The following AGPAT4 variants were observed in gnomAD, a reference collection of about 807,000 sequenced individuals.
AGPAT4 encodes 1-acylglycerol-3-phosphate O-acyltransferase 4, also known as 1-acyl-sn-glycerol-3-phosphate acyltransferase delta.
Under a neutral mutation model 48.0 loss-of-function variants are expected in AGPAT4, and 15 were observed. The observed-to-expected ratio is 0.31, with a 90% CI of 0.21 to 0.48. The LOEUF (loss-of-function observed/expected upper bound fraction) is 0.48. Among genes scored for constraint, AGPAT4 ranks in the 20% least tolerant of loss-of-function variants. The pLI is 0.99. For missense variants in AGPAT4, 314 were observed against 482.5 expected (o/e 0.65, Z 3.27); for synonymous variants, 178 against 198.7 (o/e 0.90, Z 0.88).
chr6:161,178,206 A>C lies in AGPAT4; in HGVS notation c.179-11789T>G, dbSNP rs1780478658. Among the ~76,000 whole-genome samples the C allele has an allele frequency of 6.6e-6, 1 of 152,078 alleles. No individual in the cohort carries two copies. The highest frequency in any genetic ancestry group is 2.1e-4 in the South Asian group (1 of 4,828). ...CAGACAGGGACCTTTAAGTCTGCAG[A>C]AGTTTCTGCTGCCCTGCCCCCAGAG... On this transcript the variant is annotated intron_variant, in intron 2 of 8. Transcript: ENST00000320285. The surrounding 1 kb of genome is among the most constrained non-coding windows in gnomAD (Gnocchi z 5.1).
rs1583266390 is a variant in AGPAT4 at position 161,133,145 on chromosome 6, G to A, written c.*3395C>T. 6.6e-6 allele frequency: 1 copy of A among 152,300 alleles called. No homozygotes were observed. Among genetic ancestry groups the A allele is most frequent in the East Asian group, 1.9e-4 (1 of 5,188 alleles). The allele number at this position is 152,300 out of a possible 1,614,324, so 9.4% of individuals were successfully genotyped here. A position where few individuals can be genotyped will look rare whatever the true frequency, so the allele number is the denominator to read the frequency against. On this transcript the variant is annotated 3_prime_UTR_variant, in exon 9 of 9. Transcript: ENST00000320285. ...GCTTCACACTTTGGTCAATATTTAT[G>A]AATAAGTTCTAAAGCCTATGCGAAG...
In AGPAT4 at chr6:161,262,561, C is replaced by G. The variant is rs539483132; in HGVS notation, c.-90+11377G>C. On this transcript the variant is annotated intron_variant, in intron 1 of 8. Coordinates refer to ENST00000320285, the MANE Select transcript of AGPAT4 (RefSeq NM_020133.3). The surrounding 1 kb of genome is among the most constrained non-coding windows in gnomAD (Gnocchi z 4.9). The stretch of plus-strand genomic sequence containing the variant: ...GGGCAAAGTCCCCAGCCTAGAGTTC[C>G]TCCTTCCACATCTTATTGTAAAAAC... Among the ~76,000 whole-genome samples the G allele has an allele frequency of 4.3e-4, 66 of 152,250 alleles. No homozygotes were observed. The highest frequency in any genetic ancestry group is 1.5e-3 in the African/African-American group (62 of 41,556).
chr6:161,133,317 A>AC lies in AGPAT4; in HGVS notation c.*3222dup, dbSNP rs1778962307. 1 of 151,914 alleles carries AC rather than the reference A, an allele frequency of 6.6e-6. No homozygotes were observed. Among genetic ancestry groups the AC allele is most frequent in the African/African-American group, 2.4e-5 (1 of 41,326 alleles). The allele number at this position is 151,914 out of a possible 1,614,324, so 9.4% of individuals were successfully genotyped here. On this transcript the variant is annotated 3_prime_UTR_variant, in exon 9 of 9. Transcript: ENST00000320285. Reference sequence around the variant, plus strand: ...TCCCACATATGGATATATTAGAAAAACCCTAATGTTTTAAAATTTTTTTAA... The same window carrying AC: ...TCCCACATATGGATATATTAGAAAAACCCCTAATGTTTTAAAATTTTTTTAA...
At position 161,272,835 on chromosome 6, in the gene AGPAT4, C is replaced by G. The variant is rs935202439; in HGVS notation, c.-90+1103G>C. On this transcript the variant is annotated intron_variant, in intron 1 of 8. Coordinates refer to ENST00000320285, the MANE Select transcript of AGPAT4 (RefSeq NM_020133.3). The surrounding 1 kb of genome is among the most constrained non-coding windows in gnomAD (Gnocchi z 4.2). ...CTTCCACAGTTTTGAAAAAGTCTAG[C>G]AACCCTCACCTTGAAGAGAGTGAAT... Among the ~76,000 whole-genome samples the G allele has an allele frequency of 1.3e-5, 2 of 152,130 alleles. No individual in the cohort carries two copies. The highest frequency in any genetic ancestry group is 1.9e-4 in the East Asian group (1 of 5,184).
rs1780193187 is a variant in AGPAT4 at position 161,169,002 on chromosome 6, A to C, written c.179-2585T>G. Among the ~76,000 whole-genome samples the C allele has an allele frequency of 6.6e-6, 1 of 152,188 alleles. No homozygotes were observed. The highest frequency in any genetic ancestry group is 1.5e-5 in the Non-Finnish European group (1 of 68,036). ...TAGCATGACATGGGGCATAGCAGGC[A>C]ATCAATAAATGGACAGCTTTTTAAT... On this transcript the variant is annotated intron_variant, in intron 2 of 8. Transcript: ENST00000320285. This position sits in a 1 kb window ranked among gnomAD's most constrained non-coding sequence, Gnocchi z 5.0.
rs971954362 is a variant in AGPAT4 at position 161,169,560 on chromosome 6, T to C, written c.179-3143A>G. Among the ~76,000 whole-genome samples, 1 of 152,098 alleles carries C rather than the reference T, an allele frequency of 6.6e-6. No individual in the cohort carries two copies. The highest frequency in any genetic ancestry group is 1.5e-5 in the Non-Finnish European group (1 of 67,994). ...TACATAGCTCACCGCAGCCTCAACC[T>C]CCTGGGTTCAAGCAATCCTTCCACC... is the stretch of plus-strand genomic sequence containing the variant. On this transcript the variant is annotated intron_variant, in intron 2 of 8. Transcript: ENST00000320285. The surrounding 1 kb of genome is among the most constrained non-coding windows in gnomAD (Gnocchi z 5.0).
rs141377808 is a variant in AGPAT4 at position 161,179,967 on chromosome 6, TA to T, written c.179-13551del. 5.5e-3 allele frequency among the ~76,000 whole-genome samples: 831 copies of T among 152,286 alleles called. 7 individuals are homozygous for T. The highest frequency in any genetic ancestry group is 0.019 in the African/African-American group (806 of 41,550). Reference sequence around the variant, plus strand: ...TGACTCCAAAACAAAATAAACAATTTAAAATCAGAGAAAGACAGGAAAGAAA... The same window carrying T: ...TGACTCCAAAACAAAATAAACAATTTAAATCAGAGAAAGACAGGAAAGAAA... On this transcript the variant is annotated intron_variant, in intron 2 of 8. Coordinates refer to ENST00000320285, the MANE Select transcript of AGPAT4 (RefSeq NM_020133.3).
intron 2 of AGPAT4, among the ~76,000 whole-genome samples, chr6:161,186,174 C>T (rs1780762577): frequency 6.6e-6 from 1 of 152,150 alleles, no homozygotes; most frequent in East Asian, 1.9e-4. Context: ...ATGGGCAGCT[C>T]CAACCCCCAT....
At position 161,258,264 on chromosome 6, in the gene AGPAT4, G is replaced by A. The variant is rs1054695941; in HGVS notation, c.-90+15674C>T. Among the ~76,000 whole-genome samples, 3 of 152,110 alleles carry A rather than the reference G, an allele frequency of 2.0e-5. 1 individual carries two copies. The highest frequency in any genetic ancestry group is 7.2e-5 in the African/African-American group (3 of 41,414). ...AGTGACTTCCCTTGGCTGCAATAACGGAAGTAACTCAAAATGACTGCACTC... is the reference window on the plus strand; with the variant it reads ...AGTGACTTCCCTTGGCTGCAATAACAGAAGTAACTCAAAATGACTGCACTC... On this transcript the variant is annotated intron_variant, in intron 1 of 8. Coordinates refer to ENST00000320285, the MANE Select transcript of AGPAT4 (RefSeq NM_020133.3).
Position 161,232,002 on chromosome 6 carries a change from T to C in AGPAT4, c.178+34A>G. The C allele has an allele frequency of 6.2e-7, 1 of 1,604,876 alleles. No homozygotes were observed. Among genetic ancestry groups the C allele is most frequent in the Non-Finnish European group, 8.5e-7 (1 of 1,172,814 alleles). Reference sequence around the variant, plus strand: ...ATAATTCTGATACACACATCCACAATGGAGACGAAAATATAGAATCTTAAG... The same window carrying C: ...ATAATTCTGATACACACATCCACAACGGAGACGAAAATATAGAATCTTAAG... On this transcript the variant is annotated intron_variant, in intron 2 of 8. Coordinates refer to ENST00000320285, the MANE Select transcript of AGPAT4 (RefSeq NM_020133.3). This position sits in a 1 kb window ranked among gnomAD's most constrained non-coding sequence, Gnocchi z 6.8.
rs1474972738 is a variant in AGPAT4, at chr6:161,133,331, A to C, written c.*3209T>G. On this transcript the variant is annotated 3_prime_UTR_variant, in exon 9 of 9. Coordinates refer to ENST00000320285, the MANE Select transcript of AGPAT4 (RefSeq NM_020133.3). ...ATATTAGAAAAACCCTAATGTTTTA[A>C]AATTTTTTTAATCATCAGCTGCTTT... 1.3e-5 allele frequency: 2 copies of C among 152,238 alleles called. No homozygotes were observed. The highest frequency in any genetic ancestry group is 2.9e-5 in the Non-Finnish European group (2 of 68,038). The allele number at this position is 152,238 out of a possible 1,614,324, so 9.4% of individuals were successfully genotyped here.
chr6:161,210,176 C>T (rs1348603006), intron 2 of AGPAT4, among the ~76,000 whole-genome samples: 1 of 152,154 alleles, frequency 6.6e-6, no homozygotes, highest in African/African-American at 2.4e-5. Context: ...ACCTGGTCTC[C>T]TTATACAATC....
At position 161,144,769 on chromosome 6, in the gene AGPAT4, G is replaced by C. The variant is rs991810080; in HGVS notation, c.843+1755C>G. 2.0e-5 allele frequency among the ~76,000 whole-genome samples: 3 copies of C among 152,112 alleles called. No individual in the cohort carries two copies. Among genetic ancestry groups the C allele is most frequent in the Non-Finnish European group, 4.4e-5 (3 of 68,020 alleles). On this transcript the variant is annotated intron_variant, in intron 7 of 8. Coordinates refer to ENST00000320285, the MANE Select transcript of AGPAT4 (RefSeq NM_020133.3). The surrounding 1 kb of genome is among the most constrained non-coding windows in gnomAD (Gnocchi z 6.6). ...CGAGGAGGGCAGATCACAAGACCTTGTGAGATCGAGACCATCCTGGCAAAC... is the reference window on the plus strand; with the variant it reads ...CGAGGAGGGCAGATCACAAGACCTTCTGAGATCGAGACCATCCTGGCAAAC...
rs1290729461 is a variant in AGPAT4 at position 161,171,306 on chromosome 6, T to C, written c.179-4889A>G. On this transcript the variant is annotated intron_variant, in intron 2 of 8. Transcript: ENST00000320285. This position sits in a 1 kb window ranked among gnomAD's most constrained non-coding sequence, Gnocchi z 4.4. Reference sequence around the variant, plus strand: ...ACAGAATAGTTGAGACTGGGCAATTTACAAAGAACAGAGATTTATTTCTTA... The same window carrying C: ...ACAGAATAGTTGAGACTGGGCAATTCACAAAGAACAGAGATTTATTTCTTA... 1.3e-5 allele frequency among the ~76,000 whole-genome samples: 2 copies of C among 152,244 alleles called. No homozygotes were observed. The highest frequency in any genetic ancestry group is 2.9e-5 in the Non-Finnish European group (2 of 68,038).
In AGPAT4 at chr6:161,243,562, C is replaced by T. The variant is rs995664968; in HGVS notation, c.-89-11260G>A. On this transcript the variant is annotated intron_variant, in intron 1 of 8. Coordinates refer to ENST00000320285, the MANE Select transcript of AGPAT4 (RefSeq NM_020133.3). This position sits in a 1 kb window ranked among gnomAD's most constrained non-coding sequence, Gnocchi z 4.8. Reference sequence around the variant, plus strand: ...CAGTAGCTTATGCTCTCTGAGCCTCCGGGTCTGTATCTGCTAATGGAGGTG... The same window carrying T: ...CAGTAGCTTATGCTCTCTGAGCCTCTGGGTCTGTATCTGCTAATGGAGGTG... Among the ~76,000 whole-genome samples the T allele has an allele frequency of 8.5e-5, 13 of 152,142 alleles. No homozygotes were observed. The highest frequency in any genetic ancestry group is 2.7e-4 in the African/African-American group (11 of 41,420).
At chr6:161,227,232 T>C (rs1782005419) in intron 2 of AGPAT4, among the ~76,000 whole-genome samples, 2 of 152,186 alleles carry the variant, frequency 1.3e-5, no homozygotes, top group Admixed American at 6.5e-5. Context: ...AGGTCTCCTT[T>C]TATGACTCAT....
chr6:161,153,457 GCTT>G lies in AGPAT4; in HGVS notation c.550_552del (p.Lys184del), dbSNP rs781149834. ...CGGGCCACCTGCATGCTGATCTCATGCTTCTTCTCCGTGAACCGTGTGCCCTCA... is the reference window on the plus strand; with the variant it reads ...CGGGCCACCTGCATGCTGATCTCATGCTTCTCCGTGAACCGTGTGCCCTCA... On this transcript the variant is annotated inframe_deletion, in exon 5 of 9. Coordinates refer to ENST00000320285, the MANE Select transcript of AGPAT4 (RefSeq NM_020133.3). 2 of 1,613,504 alleles carry G rather than the reference GCTT, an allele frequency of 1.2e-6. No homozygotes were observed. The highest frequency in any genetic ancestry group is 2.2e-5 in the East Asian group (1 of 44,886).
In AGPAT4 at chr6:161,146,469, C is replaced by A; in HGVS notation, c.843+55G>T. On this transcript the variant is annotated intron_variant, in intron 7 of 8. Coordinates refer to ENST00000320285, the MANE Select transcript of AGPAT4 (RefSeq NM_020133.3). This position sits in a 1 kb window ranked among gnomAD's most constrained non-coding sequence, Gnocchi z 7.1. ...GGCCTGCTACCACACAACACAGCCA[C>A]ACGGCGCACCCACAGCTGCAACGTG... is the stretch of plus-strand genomic sequence containing the variant. 1 of 1,573,782 alleles carries A rather than the reference C, an allele frequency of 6.4e-7. No individual in the cohort carries two copies. The highest frequency in any genetic ancestry group is 8.7e-7 in the Non-Finnish European group (1 of 1,147,764).
At position 161,206,066 on chromosome 6, in the gene AGPAT4, G is replaced by A. The variant is rs942215827; in HGVS notation, c.178+25970C>T. ...CTCGTATGTTTTTTCAAGCCCGTGCGATGTAGACAAAAAAAGCCCCAAGAA... is the reference window on the plus strand; with the variant it reads ...CTCGTATGTTTTTTCAAGCCCGTGCAATGTAGACAAAAAAAGCCCCAAGAA... On this transcript the variant is annotated intron_variant, in intron 2 of 8. Transcript: ENST00000320285. The surrounding 1 kb of genome is among the most constrained non-coding windows in gnomAD (Gnocchi z 4.8). Among the ~76,000 whole-genome samples, 2 of 152,034 alleles carry A rather than the reference G, an allele frequency of 1.3e-5. No individual in the cohort carries two copies. Among genetic ancestry groups the A allele is most frequent in the Admixed American group, 6.6e-5 (1 of 15,254 alleles).
Sources: gnomAD v4.1 joint callset for allele counts (sites outside exome capture counted in the v4.1 genomes callset) on GRCh38, gnomAD v4.1.1 for gene constraint, Gnocchi (gnomAD v3.1) non-coding constraint, MANE v1.5 for transcripts, NCBI Gene and HGNC (gene_info 2026-07-23, HGNC 2026-07-21) for gene names.